Variants in MYO6 observed in about 807,000 individuals in gnomAD.
MYO6 encodes myosin VI, also known as unconventional myosin-VI.
Under a neutral mutation model 178.7 loss-of-function variants are expected in MYO6, and 74 were observed. The observed-to-expected ratio is 0.41, with a 90% CI of 0.34 to 0.50. The LOEUF (loss-of-function observed/expected upper bound fraction) is 0.50. Ranked by LOEUF, MYO6 falls within the 20% of genes least tolerant of loss-of-function variation. MYO6 has a pLI of 0.09. For synonymous variants in MYO6, 477 were observed against 504.6 expected (o/e 0.95, Z 0.73); for missense variants, 1,330 against 1,547.4 (o/e 0.86, Z 2.36).
chr6:75,859,073 C>A, intron 14 of MYO6, 80 bp downstream of exon 14: 1 of 963,716 alleles, frequency 1.0e-6, no homozygotes, highest in South Asian at 1.4e-5. Context: ...TGCAGTTACC[C>A]TGATTGGTGT....
intron 30 of MYO6, among the ~76,000 whole-genome samples, chr6:75,899,982 G>A (rs1201348746): frequency 2.7e-5 from 4 of 147,494 alleles, no homozygotes; most frequent in Non-Finnish European, 6.0e-5. Context: ...GAGAATATGT[G>A]GTGTTTGGTT....
chr6:75,862,699 G>A lies in MYO6; in HGVS notation c.1650G>A (p.Lys550=), dbSNP rs1776302955. 1 of 1,614,066 alleles carries A rather than the reference G, an allele frequency of 6.2e-7. No individual in the cohort carries two copies. The highest frequency in any genetic ancestry group is 2.2e-5 in the East Asian group (1 of 44,872). The change falls in exon 16 of 35, where the codon AAG becomes AAA. Residue 550 remains lysine, a synonymous_variant. Coordinates refer to ENST00000369977, the MANE Select transcript of MYO6 (RefSeq NM_004999.4). ...ACTTTACATCTGCAGTTCACCAAAA[G>A]CACAAGGATCATTTTCGACTCACTG... ...DQHFTSAVHQ[K]HKDHFRLTIP... is the part of the protein sequence containing the mutation.
At chr6:75,856,783 T>C (rs1775755391) in intron 12 of MYO6, among the ~76,000 whole-genome samples, 1 of 152,172 alleles carries the variant, frequency 6.6e-6, no homozygotes, top group South Asian at 2.1e-4. Context: ...TCCTTTGCAT[T>C]TAAGGAAAAC....
chr6:75,875,854 T>C (rs1777531495), intron 20 of MYO6, among the ~76,000 whole-genome samples: 1 of 152,214 alleles, frequency 6.6e-6, no homozygotes, highest in South Asian at 2.1e-4. Context: ...TCCAGAATTA[T>C]CACTCCACAA....
intron 1 of MYO6, among the ~76,000 whole-genome samples, chr6:75,758,030 T>G (rs574963737): frequency 1.6e-4 from 20 of 128,406 alleles, no homozygotes; most frequent in Non-Finnish European, 4.7e-5. Flanking sequence ...CAGGCTGGAG[T>G]GCAGTAGCGC....
At chr6:75,816,182 G>A (rs1006964252) in intron 1 of MYO6, among the ~76,000 whole-genome samples, 1 of 152,134 alleles carries the variant, frequency 6.6e-6, no homozygotes, top group Non-Finnish European at 1.5e-5. Flanking sequence ...GGACTAGTAC[G>A]CACTACAAGG....
chr6:75,816,709 A>G (rs1322284597), intron 1 of MYO6, among the ~76,000 whole-genome samples: 2 of 152,212 alleles, frequency 1.3e-5, no homozygotes, highest in Non-Finnish European at 2.9e-5. Flanking sequence ...AAAGTTTCCC[A>G]GAGATAATAA....
intron 1 of MYO6, among the ~76,000 whole-genome samples, chr6:75,764,575 G>T (rs1335648657): frequency 6.6e-6 from 1 of 152,090 alleles, no homozygotes; most frequent in Non-Finnish European, 1.5e-5. Context: ...TTACTGGAGG[G>T]TATAAACTGC....
intron 30 of MYO6, among the ~76,000 whole-genome samples, chr6:75,899,671 A>G: frequency 6.6e-6 from 1 of 151,716 alleles, no homozygotes. Context: ...AATCATAAAA[A>G]TACGGGAAGG....
At chr6:75,758,459 TTTTG>T (rs1181118549) in intron 1 of MYO6, among the ~76,000 whole-genome samples, 4 of 152,014 alleles carry the variant, frequency 2.6e-5, no homozygotes, top group Admixed American at 6.6e-5. Flanking sequence ...TGTTTCAGCT[TTTTG>T]TTTGTTTGTT....
intron 6 of MYO6, 41 bp downstream of exon 6, chr6:75,832,988 C>CT: frequency 1.2e-5 from 16 of 1,378,064 alleles, no homozygotes; most frequent in Non-Finnish European, 1.7e-5. Context: ...GTAGGTTGAT[C>CT]TTTTTTTTCC....
chr6:75,771,150 T>A (rs906875662), intron 1 of MYO6, among the ~76,000 whole-genome samples: 1 of 151,888 alleles, frequency 6.6e-6, no homozygotes, highest in Non-Finnish European at 1.5e-5. Flanking sequence ...TAGAGGCTCA[T>A]GCCACCGCGC....
Position 75,896,763 on chromosome 6 carries a change from TACC to T in MYO6, c.3137+1506_3137+1508del, listed in dbSNP as rs1300406088. ...CAGGAGTATACTCACACATTGTTGTTACCACAATACTGCCCCAAATTTTGAAAA... is the reference window on the plus strand; with the variant it reads ...CAGGAGTATACTCACACATTGTTGTTACAATACTGCCCCAAATTTTGAAAA... On this transcript the variant is annotated intron_variant, in intron 29 of 34. Coordinates refer to ENST00000369977, the MANE Select transcript of MYO6 (RefSeq NM_004999.4). Among the ~76,000 whole-genome samples the T allele has an allele frequency of 1.2e-4, 18 of 152,250 alleles. No individual in the cohort carries two copies. The East Asian group carries it at 2.9e-3, about 24-fold the overall frequency.
At chr6:75,906,233 G>A (rs1022860554) in intron 30 of MYO6, among the ~76,000 whole-genome samples, 3 of 124,738 alleles carry the variant, frequency 2.4e-5, no homozygotes, top group Non-Finnish European at 3.9e-5. Flanking sequence ...GTATTTAAAC[G>A]CTTCTCGTTA....
rs2149415148 is a variant in MYO6, at chr6:75,907,650, A to G, written c.3222A>G (p.Lys1074=). 1 of 1,613,832 alleles carries G rather than the reference A, an allele frequency of 6.2e-7. No individual in the cohort carries two copies. Residue 1074 remains lysine (K), a synonymous_variant, in exon 31 of 35, where the codon AAA becomes AAG. Transcript: ENST00000369977. ...CCAAAGCAGCTGCTGGTACTAAGAA[A>G]TATGATCTTAGTAAATGGAAATATG... ...LATKAAAGTK[K]YDLSKWKYAE...
chr6:75,775,791 A>G (rs1050432310), intron 1 of MYO6, among the ~76,000 whole-genome samples: 10 of 152,232 alleles, frequency 6.6e-5, no homozygotes, highest in African/African-American at 1.9e-4. Flanking sequence ...TCACAAATCC[A>G]TAGAGCTACT....
rs35925414 is a variant in MYO6, at chr6:75,824,762, AT to A, written c.187+1928del. ...ACTTATTACCTACTTTTCGGTCTAAATTTTTTTTTTTTTTTTTGAGACAGTC... is the reference window on the plus strand; with the variant it reads ...ACTTATTACCTACTTTTCGGTCTAAATTTTTTTTTTTTTTTTGAGACAGTC... On this transcript the variant is annotated intron_variant, in intron 3 of 34. Transcript: ENST00000369977. Among the ~76,000 whole-genome samples, 848 of 141,982 alleles carry A rather than the reference AT, an allele frequency of 6.0e-3. 6 individuals are homozygous for A. The highest frequency in any genetic ancestry group is 0.031 in the South Asian group (136 of 4,392). 93.1% of individuals were successfully genotyped at this position (141,982 alleles called of 152,430 possible).
In MYO6 at chr6:75,835,319, CATTTAG is replaced by C. The variant is rs1419464861; in HGVS notation, c.498-578_498-573del. Among the ~76,000 whole-genome samples, 13 of 152,252 alleles carry C rather than the reference CATTTAG, an allele frequency of 8.5e-5. No individual in the cohort carries two copies. In the South Asian group the frequency reaches 2.7e-3, roughly 32 times the overall value. ...TTATTTTTCATTTTTATAATTTCAA[CATTTAG>C]ATTCAGGCCACACATGTGCAGGTTT... On this transcript the variant is annotated intron_variant, in intron 6 of 34. Transcript: ENST00000369977.
In MYO6 at chr6:75,890,241, G is replaced by T; in HGVS notation, c.2843G>T (p.Arg948Ile). The T allele has an allele frequency of 6.2e-7, 1 of 1,613,384 alleles. No homozygotes were observed. Among genetic ancestry groups the T allele is most frequent in the Non-Finnish European group, 8.5e-7 (1 of 1,179,366 alleles). ...CGTGAAGAAGACGAAAAACGTCGAA[G>T]AAAGGAAGAGGAGGAAAGGCGGATG... is the stretch of plus-strand genomic sequence containing the variant. ...KRREEDEKRR[R>I]KEEEERRMKL... The change falls in exon 26 of 35, where the codon AGA (arginine) becomes ATA (isoleucine). Residue 948 changes from arginine (R) to isoleucine (I), a missense_variant. Physicochemically the swap from Arg to Ile is moderately conservative, Grantham distance 97. Transcript: ENST00000369977.
Sources: gnomAD v4.1 joint callset for allele counts (sites outside exome capture counted in the v4.1 genomes callset) on GRCh38, gnomAD v4.1.1 for gene constraint, MANE v1.5 for transcripts, NCBI Gene and HGNC (gene_info 2026-07-23, HGNC 2026-07-21) for gene names.